Variants in GPALPP1 observed in about 807,000 individuals in gnomAD.
The protein encoded by GPALPP1 is GPALPP motifs-containing protein 1.
In GPALPP1, 30 loss-of-function variants were observed where a neutral mutation model predicts 38.9. The ratio of observed to expected loss-of-function variants is 0.77; its 90% confidence interval spans 0.58 to 1.05. The LOEUF (loss-of-function observed/expected upper bound fraction) is 1.05. GPALPP1 is among the 50% of genes least tolerant of loss of function. GPALPP1 has a pLI of 0.00. For missense variants in GPALPP1, 384 were observed against 408.8 expected, an observed-to-expected ratio of 0.94 and a Z score of 0.52; for synonymous variants, 120 against 139.2, an observed-to-expected ratio of 0.86 and a Z score of 0.97.
chr13:45,027,688 T>C (rs570102107), intron 7 of GPALPP1, 97 bp from the exon 8 acceptor site: 1 of 607,802 alleles, frequency 1.6e-6, no homozygotes, highest in African/African-American at 1.9e-5. Flanking sequence ...CCCTCCTTAA[T>C]GTGCACCATT....
At chr13:44,995,040 G>A (rs186913775) in intron 1 of GPALPP1, among the ~76,000 whole-genome samples, 1 of 151,830 alleles carries the variant, frequency 6.6e-6, no homozygotes, top group Non-Finnish European at 1.5e-5. Flanking sequence ...TTAGTAGAGA[G>A]AGGGTTTCTC....
chr13:44,996,730 G>A (rs947070334), intron 1 of GPALPP1, among the ~76,000 whole-genome samples: 1 of 148,346 alleles, frequency 6.7e-6, no homozygotes, highest in African/African-American at 2.5e-5. Flanking sequence ...TGATCCATCT[G>A]CCTCAGCCTC....
intron 7 of GPALPP1, among the ~76,000 whole-genome samples, chr13:45,022,439 A>T (rs1051436000): frequency 6.6e-6 from 1 of 151,932 alleles, no homozygotes; most frequent in Non-Finnish European, 1.5e-5. Context: ...TATATATATA[A>T]AAAAACAAAT....
Position 45,028,121 on chromosome 13 carries a change from T to G in GPALPP1, c.*118T>G. ...TTCCTTTTATAATAGATTAAAAATT[T>G]TATATTTTTATAAGTAAACAGTGAT... On this transcript the variant is annotated 3_prime_UTR_variant, in exon 8 of 8. Coordinates refer to ENST00000379151, the MANE Select transcript of GPALPP1 (RefSeq NM_018559.5). The G allele has an allele frequency of 2.1e-6, 1 of 479,782 alleles. No individual in the cohort carries two copies. The highest frequency in any genetic ancestry group is 4.9e-5 in the South Asian group (1 of 20,454). 29.7% of individuals were successfully genotyped at this position (479,782 alleles called of 1,614,324 possible). A position where few individuals can be genotyped will look rare whatever the true frequency, so the allele number is the denominator to read the frequency against.
At chr13:45,010,811 G>A (rs1020768892) in intron 4 of GPALPP1, among the ~76,000 whole-genome samples, 4 of 151,978 alleles carry the variant, frequency 2.6e-5, no homozygotes, top group South Asian at 2.1e-4. Context: ...TAGCAAAACC[G>A]CATCTCTACC....
At chr13:45,018,259 T>C (rs184034925) in intron 6 of GPALPP1, among the ~76,000 whole-genome samples, 4 of 152,152 alleles carry the variant, frequency 2.6e-5, no homozygotes, top group Non-Finnish European at 5.9e-5. Context: ...TAGCCAGGCG[T>C]GGTGGCGGGC....
At chr13:45,021,840 A>G (rs11618756) in intron 7 of GPALPP1, among the ~76,000 whole-genome samples, 7,527 of 152,290 alleles carry the variant, frequency 0.049, 273 homozygotes, top group East Asian at 0.12. Context: ...ACCAATGGCT[A>G]AAGATAAATA....
At chr13:45,012,163 T>C (rs963724414) in intron 4 of GPALPP1, among the ~76,000 whole-genome samples, 2 of 152,122 alleles carry the variant, frequency 1.3e-5, no homozygotes, top group Non-Finnish European at 2.9e-5. Context: ...GGAGATTGAA[T>C]TGAGCACCAT....
downstream of GPALPP1, chr13:45,032,202 C>A (rs1876231183): frequency 1.3e-5 from 2 of 151,918 alleles, no homozygotes; most frequent in African/African-American, 4.8e-5. Context: ...CTAAGACTGC[C>A]TTACCAGATA....
At chr13:45,034,611 G>A (rs1876338528), downstream of GPALPP1, 3 of 151,970 alleles carry the variant, frequency 2.0e-5, no homozygotes, top group Admixed American at 2.0e-4. Context: ...TGATGGTTCA[G>A]GGTTGGGTCT....
intron 7 of GPALPP1, among the ~76,000 whole-genome samples, chr13:45,024,039 T>C (rs1875600387): frequency 6.6e-6 from 1 of 152,130 alleles, no homozygotes; most frequent in African/African-American, 2.4e-5. Context: ...GTTGGCAGTT[T>C]TGATTCACTA....
rs200876314 is a variant in GPALPP1 at position 45,015,043 on chromosome 13, G to A, written c.500G>A (p.Arg167Lys). 1 of 1,608,644 alleles carries A rather than the reference G, an allele frequency of 6.2e-7. No homozygotes were observed. The highest frequency in any genetic ancestry group is 8.5e-7 in the Non-Finnish European group (1 of 1,176,254). The change falls in exon 5 of 8, where the codon AGG (arginine) becomes AAG (lysine). Residue 167 changes from arginine (R) to lysine (K), a missense_variant. Coordinates refer to ENST00000379151, the MANE Select transcript of GPALPP1 (RefSeq NM_018559.5). ...NYNVTTEFEK[R>K]AQRMKEKLTK... is the part of the protein sequence containing the mutation. ...AATGTAACGACAGAGTTTGAAAAAAGGGCCCAGAGAATGAAAGAAAAACTG... is the reference window on the plus strand; with the variant it reads ...AATGTAACGACAGAGTTTGAAAAAAAGGCCCAGAGAATGAAAGAAAAACTG...
At position 45,015,562 on chromosome 13, in the gene GPALPP1, C is replaced by T; in HGVS notation, c.671C>T (p.Thr224Ile). 6.3e-7 allele frequency: 1 copy of T among 1,575,834 alleles called. No homozygotes were observed. The highest frequency in any genetic ancestry group is 8.6e-7 in the Non-Finnish European group (1 of 1,161,860). Residue 224 changes from threonine (T) to isoleucine (I), a missense_variant, in exon 6 of 8, where the codon ACA (threonine) becomes ATA (isoleucine). Physicochemically the swap from Thr to Ile is moderately conservative, Grantham distance 89. Transcript: ENST00000379151. Reference protein sequence around the residue: ...DDTSGDRSIWTDTPADRERKA... With the variant: ...DDTSGDRSIWIDTPADRERKA... Reference sequence around the variant, plus strand: ...ACATCTGGAGATCGATCAATCTGGACAGATACTCCAGCTGATAGGGAAAGG... The same window carrying T: ...ACATCTGGAGATCGATCAATCTGGATAGATACTCCAGCTGATAGGGAAAGG...
rs1239441247 is a variant in GPALPP1, at chr13:45,027,923, G to A, written c.943G>A (p.Ala315Thr). The A allele has an allele frequency of 1.2e-6, 2 of 1,611,150 alleles. No individual in the cohort carries two copies. Among genetic ancestry groups the A allele is most frequent in the East Asian group, 2.2e-5 (1 of 44,764 alleles). ...KDLKVNRFDE[A>T]QKKALIKKSR... Reference sequence around the variant, plus strand: ...TCTCAAGGTTAATCGGTTTGATGAAGCTCAGAAAAAAGCCCTAATAAAAAA... The same window carrying A: ...TCTCAAGGTTAATCGGTTTGATGAAACTCAGAAAAAAGCCCTAATAAAAAA... Residue 315 changes from alanine (A) to threonine (T), a missense_variant, in exon 8 of 8, where the codon GCT (alanine) becomes ACT (threonine). Transcript: ENST00000379151.
At chr13:45,008,182 T>C (rs1461427029) in intron 3 of GPALPP1, among the ~76,000 whole-genome samples, 1 of 152,226 alleles carries the variant, frequency 6.6e-6, no homozygotes, top group Non-Finnish European at 1.5e-5. Context: ...GTTAGCACGG[T>C]ACCCTTTTCC....
intron 4 of GPALPP1, among the ~76,000 whole-genome samples, chr13:45,012,398 ATG>A (rs890601968): frequency 6.6e-6 from 1 of 152,188 alleles, no homozygotes; most frequent in Non-Finnish European, 1.5e-5. Context: ...ACCAAAAAAA[ATG>A]AATGTGTTAA....
At chr13:45,033,238 A>G (rs1229512684), downstream of GPALPP1, 1 of 152,166 alleles carries the variant, frequency 6.6e-6, no homozygotes, top group East Asian at 1.9e-4. Context: ...CCATGCAGTG[A>G]TAGGTATTAT....
intron 6 of GPALPP1, among the ~76,000 whole-genome samples, chr13:45,016,421 T>C (rs1408563521): frequency 6.6e-6 from 1 of 151,478 alleles, no homozygotes; most frequent in East Asian, 1.9e-4. Flanking sequence ...GCCGCTGCAC[T>C]CCAGCCTGGG....
downstream of GPALPP1, chr13:45,034,552 T>C (rs1876336551): frequency 2.0e-5 from 3 of 151,994 alleles, no homozygotes; most frequent in Admixed American, 2.0e-4. Context: ...CTTTAGTTCT[T>C]TGGTGTTTGA....
Sources: allele counts gnomAD v4.1 joint callset (sites outside exome capture counted in the v4.1 genomes callset), GRCh38; gene constraint gnomAD v4.1.1; transcripts MANE v1.5; gene names NCBI Gene and HGNC (gene_info 2026-07-23, HGNC 2026-07-21).